CABP1: variants seen among roughly 807,000 people sequenced by gnomAD.
CABP1 encodes calcium-binding protein 1.
CABP1 carries 17 observed loss-of-function variants against 34.3 expected under a neutral mutation model. The ratio of observed to expected loss-of-function variants is 0.50; its 90% CI spans 0.34 to 0.74. The LOEUF is 0.74. Among genes scored for constraint, CABP1 ranks in the 30% least tolerant of loss-of-function variants. The pLI is 0.01. For synonymous variants in CABP1, 198 were observed against 229.2 expected (o/e 0.86, Z 1.23); for missense variants, 373 against 511.1 (o/e 0.73, Z 2.61).
chr12:120,667,374 A>G (rs1401913397), downstream of CABP1: 1 of 179,176 alleles, frequency 5.6e-6, no homozygotes, highest in Non-Finnish European at 1.2e-5. Context: ...TGACCCTCAC[A>G]TTTCCTGAGT....
chr12:120,657,268 G>A (rs1880288839), intron 1 of CABP1, among the ~76,000 whole-genome samples: 1 of 152,234 alleles, frequency 6.6e-6, no homozygotes, highest in South Asian at 2.1e-4. Context: ...TTCAAAGAGA[G>A]GAGAGGACTA....
chr12:120,649,244 A>G (rs1450222989), intron 1 of CABP1, among the ~76,000 whole-genome samples: 2 of 152,068 alleles, frequency 1.3e-5, no homozygotes, highest in Non-Finnish European at 2.9e-5. Context: ...TCTTCCTAAC[A>G]GGAGTTCTGA....
intron 1 of CABP1, among the ~76,000 whole-genome samples, chr12:120,651,499 C>T (rs568651128): frequency 2.0e-5 from 3 of 152,110 alleles, no homozygotes; most frequent in Non-Finnish European, 4.4e-5. Flanking sequence ...TGTTGCCAGG[C>T]CATAGAAGAG....
chr12:120,647,552 G>A (rs1442950778), intron 1 of CABP1, among the ~76,000 whole-genome samples: 1 of 138,400 alleles, frequency 7.2e-6, no homozygotes, highest in African/African-American at 2.7e-5. Flanking sequence ...TGACTCCTCA[G>A]TCCAAGCCTT....
downstream of CABP1, among the ~76,000 whole-genome samples, chr12:120,670,642 G>T (rs1286258040): frequency 2.0e-5 from 3 of 152,156 alleles, no homozygotes; most frequent in Admixed American, 1.3e-4. Flanking sequence ...CAGCTATACG[G>T]GAGGCTGAAG....
At chr12:120,670,886 C>T (rs1045667754), downstream of CABP1, among the ~76,000 whole-genome samples, 3 of 152,202 alleles carry the variant, frequency 2.0e-5, no homozygotes, top group Non-Finnish European at 4.4e-5. Context: ...CTACTATGTG[C>T]CAGGCCCCAT....
At chr12:120,679,958 G>T in the CABP1 span, among the ~76,000 whole-genome samples, 2 of 152,274 alleles carry the variant, frequency 1.3e-5, no homozygotes, top group Non-Finnish European at 2.9e-5. Flanking sequence ...GATCACTTGA[G>T]GTCTGGAGTT....
At position 120,641,338 on chromosome 12, in the gene CABP1, A is replaced by G; in HGVS notation, c.653A>G (p.Gln218Arg). ...LRPMLSSAFGQDRSLRPEEIE... is the reference protein window; with the variant it reads ...LRPMLSSAFGRDRSLRPEEIE... ...CCCATGCTCAGCTCCGCCTTTGGCC[A>G]GGTAAGGGCCGCGCCTCCCGTCAGC... The change falls in exon 1 of 6, where the codon CAG (glutamine) becomes CGG (arginine). Residue 218 changes from glutamine to arginine, a missense_variant and splice_region_variant. Transcript: ENST00000316803. This position sits in a 1 kb window ranked among gnomAD's most constrained non-coding sequence, Gnocchi z 6.7. 7.7e-7 allele frequency: 1 copy of G among 1,295,678 alleles called. No homozygotes were observed. The highest frequency in any genetic ancestry group is 9.8e-7 in the Non-Finnish European group (1 of 1,020,896). 80.3% of individuals were successfully genotyped at this position (1,295,678 alleles called of 1,614,324 possible).
In CABP1 at chr12:120,659,859, A is replaced by T; in HGVS notation, c.655-19A>T. ...CAGGTCCCTTGTCGCGGCTAATAGG[A>T]CATGTTCTTTTGTTTCAGGATAGAT... On this transcript the variant is annotated intron_variant, in intron 1 of 5. Transcript: ENST00000316803. 6.2e-7 allele frequency: 1 copy of T among 1,612,090 alleles called. No individual in the cohort carries two copies. The highest frequency in any genetic ancestry group is 8.5e-7 in the Non-Finnish European group (1 of 1,179,420).
chr12:120,650,541 G>A, intron 1 of CABP1: 10 of 1,604,824 alleles, frequency 6.2e-6, no homozygotes, highest in Middle Eastern at 2.1e-4. Flanking sequence ...GACGGAGGGA[G>A]GCTGGGGTTG....
chr12:120,659,991 C>G, intron 2 of CABP1, 83 bp downstream of exon 2: 2 of 1,447,362 alleles, frequency 1.4e-6, no homozygotes, highest in Non-Finnish European at 1.9e-6. Context: ...AGAGAGGCCC[C>G]TGGAAATGGG....
At chr12:120,655,882 A>G (rs1165291615) in intron 1 of CABP1, 1 of 1,536,012 alleles carries the variant, frequency 6.5e-7, no homozygotes, top group Non-Finnish European at 8.7e-7. Context: ...CATCACATTC[A>G]GCTCTCCCCG....
Position 120,660,781 on chromosome 12 carries a change from C to T in CABP1, c.880C>T (p.Leu294Phe). Residue 294 changes from leucine to phenylalanine, a missense_variant, in exon 4 of 6, where the codon CTC becomes TTC. Coordinates refer to ENST00000316803, the MANE Select transcript of CABP1 (RefSeq NM_001033677.2). The surrounding 1 kb of genome is among the most constrained non-coding windows in gnomAD (Gnocchi z 5.0). ...CTTCGTGGAGCTAATGGGGCCTAAA[C>T]TCCTGGCAGAGACAGCAGATATGAT... ...DDFVELMGPK[L>F]LAETADMIGV... 1.9e-6 allele frequency: 3 copies of T among 1,614,026 alleles called. No homozygotes were observed. Among genetic ancestry groups the T allele is most frequent in the Non-Finnish European group, 2.5e-6 (3 of 1,179,950 alleles).
At position 120,640,765 on chromosome 12, in the gene CABP1, G is replaced by C. The variant is rs1879275479; in HGVS notation, c.80G>C (p.Arg27Pro). Residue 27 changes from arginine (R) to proline (P), a missense_variant, in exon 1 of 6, where the codon CGC (arginine) becomes CCC (proline). Arg to Pro is a moderately radical substitution (Grantham distance 103, BLOSUM62 -2). Around this residue, in one of 4 missense-constraint regions of CABP1, gnomAD observed 134 missense variants for 145.4 expected, o/e 0.92. Transcript: ENST00000316803. This position sits in a 1 kb window ranked among gnomAD's most constrained non-coding sequence, Gnocchi z 6.2. Reference sequence around the variant, plus strand: ...CAGCGCGTCCTCGGGCTTGGCTCCCGCCGGGAGCCCCGTTCTCTGCCCGCC... The same window carrying C: ...CAGCGCGTCCTCGGGCTTGGCTCCCCCCGGGAGCCCCGTTCTCTGCCCGCC... ...RLQRVLGLGS[R>P]REPRSLPAGG... is the part of the protein sequence containing the mutation. 3.5e-6 allele frequency: 4 copies of C among 1,158,802 alleles called. No homozygotes were observed. The highest frequency in any genetic ancestry group is 4.2e-6 in the Non-Finnish European group (4 of 941,726). 71.8% of individuals were successfully genotyped at this position (1,158,802 alleles called of 1,614,324 possible). A position where few individuals can be genotyped will look rare whatever the true frequency, so the allele number is the denominator to read the frequency against.
intron 1 of CABP1, among the ~76,000 whole-genome samples, chr12:120,653,133 C>A (rs1593160017): frequency 1.3e-5 from 2 of 152,210 alleles, no homozygotes; most frequent in African/African-American, 4.8e-5. Flanking sequence ...CTTCTCATTT[C>A]TTTCCTGATT....
the CABP1 span, among the ~76,000 whole-genome samples, chr12:120,680,080 G>A: frequency 6.6e-6 from 1 of 152,104 alleles, no homozygotes; most frequent in Non-Finnish European, 1.5e-5. Flanking sequence ...GGCTGGGGCA[G>A]GAGAATTGCT....
chr12:120,666,356 C>A (rs1043700104), intron 5 of CABP1, among the ~76,000 whole-genome samples: 3 of 151,448 alleles, frequency 2.0e-5, no homozygotes, highest in African/African-American at 7.3e-5. Flanking sequence ...CACCTGTAAT[C>A]CCAGCTACTA....
At position 120,650,790 on chromosome 12, in the gene CABP1, A is replaced by G. The variant is rs1336881792; in HGVS notation, c.655-9088A>G. ...GTGGCTGGAGCTTGCTATCCTTCCC[A>G]GGGGTTCTGTCCAGGGCTGCCTCCC... On this transcript the variant is annotated intron_variant, in intron 1 of 5. Transcript: ENST00000316803. The G allele has an allele frequency of 6.9e-6, 8 of 1,156,614 alleles. No individual in the cohort carries two copies. The African/African-American group carries it at 1.1e-4, about 15-fold the overall frequency. The allele number at this position is 1,156,614 out of a possible 1,614,324, so 71.6% of individuals were successfully genotyped here. A position where few individuals can be genotyped will look rare whatever the true frequency, so the allele number is the denominator to read the frequency against.
intron 1 of CABP1, among the ~76,000 whole-genome samples, chr12:120,651,690 C>T (rs1879857263): frequency 6.6e-6 from 1 of 152,180 alleles, no homozygotes; most frequent in Non-Finnish European, 1.5e-5. Flanking sequence ...AGTTTACCAG[C>T]CTCTCAATTT....
Sources: allele counts gnomAD v4.1 joint callset (sites outside exome capture counted in the v4.1 genomes callset), GRCh38; gene constraint gnomAD v4.1.1; regional missense constraint gnomAD v4.1.1; non-coding constraint Gnocchi (gnomAD v3.1); transcripts MANE v1.5; gene names NCBI Gene and HGNC (gene_info 2026-07-23, HGNC 2026-07-21).